The following PHACTR1 variants were observed in gnomAD, a reference collection of about 807,000 sequenced individuals.
PHACTR1 encodes RPEL repeat containing 1.
In PHACTR1, 16 loss-of-function variants were observed where a neutral mutation model predicts 69.2. That is an observed-to-expected ratio of 0.23 (90% confidence interval 0.16 to 0.35). The LOEUF (loss-of-function observed/expected upper bound fraction) is 0.35, where lower values mean the gene tolerates loss of function less well. Among genes scored for constraint, PHACTR1 ranks in the 10% least tolerant of loss-of-function variants. The pLI is 1.00. For missense variants in PHACTR1, 510 were observed against 734.7 expected, an observed-to-expected ratio of 0.69 and a Z score of 3.54; for synonymous variants, 312 against 284.5, an observed-to-expected ratio of 1.10 and a Z score of -0.97.
chr6:13,114,670 A>G (rs1817546027), intron 5 of PHACTR1, among the ~76,000 whole-genome samples: 1 of 152,148 alleles, frequency 6.6e-6, no homozygotes, highest in Non-Finnish European at 1.5e-5. Context: ...ATCTGGAGGT[A>G]CTACTTGTTG....
Position 13,209,960 on chromosome 6 carries a change from G to A in PHACTR1, c.986+3824G>A, listed in dbSNP as rs140178605. ...TATACCATCTTGTTCGTGTTCCCCT[G>A]AGATTATACCAAATCTGCTCTGATT... is the stretch of plus-strand genomic sequence containing the variant. On this transcript the variant is annotated intron_variant, in intron 8 of 14. Transcript: ENST00000332995. 1.8e-3 allele frequency among the ~76,000 whole-genome samples: 276 copies of A among 152,192 alleles called. 1 individual carries two copies. Among genetic ancestry groups the A allele is most frequent in the African/African-American group, 6.2e-3 (259 of 41,520 alleles).
At chr6:13,204,877 G>C (rs933759237) in intron 7 of PHACTR1, among the ~76,000 whole-genome samples, 9 of 152,206 alleles carry the variant, frequency 5.9e-5, no homozygotes, top group African/African-American at 2.2e-4. Context: ...GCTGTTGGTG[G>C]ACTTGACCCT....
At chr6:12,731,875 A>T in intron 3 of PHACTR1, among the ~76,000 whole-genome samples, 1 of 152,186 alleles carries the variant, frequency 6.6e-6, no homozygotes, top group Non-Finnish European at 1.5e-5. Flanking sequence ...GTCGCCACAC[A>T]TTCAAAGGTA....
At chr6:13,012,633 C>A (rs969183955) in intron 4 of PHACTR1, among the ~76,000 whole-genome samples, 16 of 152,182 alleles carry the variant, frequency 1.1e-4, no homozygotes, top group African/African-American at 3.6e-4. Context: ...CTCCTGGACC[C>A]TGCACTGACC....
intron 5 of PHACTR1, among the ~76,000 whole-genome samples, chr6:13,113,819 A>G (rs1817407627): frequency 6.6e-6 from 1 of 152,178 alleles, no homozygotes; most frequent in Admixed American, 6.5e-5. Context: ...GGAACCAACT[A>G]CTATTATTTG....
chr6:12,952,165 G>A (rs1236243323), intron 4 of PHACTR1, among the ~76,000 whole-genome samples: 1 of 152,170 alleles, frequency 6.6e-6, no homozygotes, highest in East Asian at 1.9e-4. Context: ...TACCCTACGA[G>A]TGCACAGCCT....
intron 3 of PHACTR1, among the ~76,000 whole-genome samples, chr6:12,735,776 A>C (rs1764162486): frequency 6.6e-6 from 1 of 152,246 alleles, no homozygotes; most frequent in African/African-American, 2.4e-5. Context: ...TGGGAGCTAC[A>C]TCCTTCAAGG....
At chr6:13,250,567 TGA>T (rs989395882) in intron 10 of PHACTR1, among the ~76,000 whole-genome samples, 9 of 152,210 alleles carry the variant, frequency 5.9e-5, no homozygotes, top group African/African-American at 1.9e-4. Flanking sequence ...GCAGACAGAC[TGA>T]GAGAAGGAAT....
chr6:12,737,619 G>T (rs760171423), intron 3 of PHACTR1, among the ~76,000 whole-genome samples: 1 of 148,354 alleles, frequency 6.7e-6, no homozygotes, highest in African/African-American at 2.5e-5. Context: ...TTAAGAGACA[G>T]GGTCTCTCTC....
chr6:12,839,736 G>A (rs185882100), intron 4 of PHACTR1, among the ~76,000 whole-genome samples: 191 of 152,260 alleles, frequency 1.3e-3, no homozygotes, highest in Middle Eastern at 0.01. Flanking sequence ...CACACGGTTC[G>A]TTAAATTATA....
At chr6:12,945,964 AAAATAAATAAATAAATAAAT>A (rs146460461) in intron 4 of PHACTR1, among the ~76,000 whole-genome samples, 1 of 142,338 alleles carries the variant, frequency 7.0e-6, no homozygotes, top group Admixed American at 7.3e-5. Context: ...CTCTGTCTCA[AAAATAAATAAATAAATAAAT>A]AAATAAATAA....
chr6:13,001,915 G>A (rs1019541486), intron 4 of PHACTR1, among the ~76,000 whole-genome samples: 2 of 152,214 alleles, frequency 1.3e-5, no homozygotes, highest in Non-Finnish European at 2.9e-5. Flanking sequence ...TAGCAATATG[G>A]ATAGTAGTAT....
intron 6 of PHACTR1, among the ~76,000 whole-genome samples, chr6:13,163,359 T>G (rs1561924640): frequency 6.6e-6 from 1 of 152,238 alleles, no homozygotes; most frequent in Non-Finnish European, 1.5e-5. Flanking sequence ...TGTTTTACTT[T>G]GATCCTTGCA....
At chr6:13,184,181 C>T (rs1222427894) in intron 7 of PHACTR1, among the ~76,000 whole-genome samples, 1 of 152,214 alleles carries the variant, frequency 6.6e-6, no homozygotes, top group Non-Finnish European at 1.5e-5. Flanking sequence ...CACTCCAGAA[C>T]CTGGAGGAGC....
chr6:12,797,792 C>T (rs576715263), intron 4 of PHACTR1, among the ~76,000 whole-genome samples: 13 of 152,208 alleles, frequency 8.5e-5, no homozygotes, highest in African/African-American at 3.1e-4. Flanking sequence ...CCACCTGTTC[C>T]CTCTACATAG....
At chr6:12,756,193 A>C (rs916514321) in intron 4 of PHACTR1, among the ~76,000 whole-genome samples, 1 of 152,194 alleles carries the variant, frequency 6.6e-6, no homozygotes, top group Non-Finnish European at 1.5e-5. Flanking sequence ...GTGGGAACAG[A>C]AGACAATTTG....
At chr6:12,936,456 G>A (rs6912630) in intron 4 of PHACTR1, among the ~76,000 whole-genome samples, 2 of 152,082 alleles carry the variant, frequency 1.3e-5, no homozygotes, top group African/African-American at 2.4e-5. Flanking sequence ...TCTTTTGTAC[G>A]CACTGAAACA....
intron 4 of PHACTR1, among the ~76,000 whole-genome samples, chr6:12,816,585 C>T (rs1261841591): frequency 1.3e-5 from 2 of 152,194 alleles, no homozygotes; most frequent in Admixed American, 6.5e-5. Flanking sequence ...ACAGCTTATA[C>T]CTTTCTTCTA....
chr6:12,814,860 C>G (rs1327802641), intron 4 of PHACTR1, among the ~76,000 whole-genome samples: 1 of 152,174 alleles, frequency 6.6e-6, no homozygotes, highest in East Asian at 1.9e-4. Context: ...AACCAAGAGC[C>G]CAAATCCTTG....
Sources: allele counts gnomAD v4.1 joint callset (sites outside exome capture counted in the v4.1 genomes callset), GRCh38; gene constraint gnomAD v4.1.1; transcripts MANE v1.5; gene names NCBI Gene and HGNC (gene_info 2026-07-23, HGNC 2026-07-21).